The following CFH variants were observed in gnomAD, a reference collection of about 807,000 sequenced individuals.
CFH encodes complement factor H, also known as H factor 1 (complement).
Under a neutral mutation model 147.3 loss-of-function variants are expected in CFH, and 53 were observed. The ratio of observed to expected loss-of-function variants is 0.36; its 90% CI spans 0.29 to 0.45. CFH has a LOEUF of 0.45. Ranked by LOEUF, CFH falls within the 20% of genes least tolerant of loss-of-function variation. The probability of loss-of-function intolerance (pLI) is 1.00; values close to 1 mark genes in which losing one functional copy is unlikely to be tolerated. For missense variants in CFH, 1,380 were observed against 1,498.0 expected (o/e 0.92, Z 1.30); for synonymous variants, 536 against 489.4 (o/e 1.10, Z -1.26).
intron 1 of CFH, among the ~76,000 whole-genome samples, chr1:196,665,912 G>A (rs918524937): frequency 2.0e-5 from 3 of 152,122 alleles, no homozygotes; most frequent in African/African-American, 7.2e-5. Flanking sequence ...CGGCCCCAGT[G>A]GATTTTAATT....
intron 5 of CFH, chr1:196,678,621 G>A (rs2149081391): frequency 6.6e-6 from 1 of 152,038 alleles, no homozygotes; most frequent in South Asian, 2.1e-4. Flanking sequence ...GTACATGGAT[G>A]GAATTTACAT....
intron 11 of CFH, among the ~76,000 whole-genome samples, chr1:196,717,410 C>A (rs1182737719): frequency 6.6e-6 from 1 of 151,890 alleles, no homozygotes; most frequent in Non-Finnish European, 1.5e-5. Context: ...ATTTAATTAC[C>A]TTAATATCAT....
chr1:196,739,863 A>T (rs1396563179), intron 17 of CFH, among the ~76,000 whole-genome samples: 2 of 152,206 alleles, frequency 1.3e-5, no homozygotes. Context: ...GCTATAAAGA[A>T]CTACCCAAGA....
intron 10 of CFH, among the ~76,000 whole-genome samples, chr1:196,715,052 T>C (rs1193736147): frequency 6.6e-6 from 1 of 152,060 alleles, no homozygotes; most frequent in Admixed American, 6.6e-5. Flanking sequence ...CTGTGCTTAA[T>C]ATGAGGTCTA....
chr1:196,740,809 T>G lies in CFH; in HGVS notation c.2956+17T>G. 6.2e-7 allele frequency: 1 copy of G among 1,610,826 alleles called. No homozygotes were observed. The highest frequency in any genetic ancestry group is 8.5e-7 in the Non-Finnish European group (1 of 1,177,068). Reference sequence around the variant, plus strand: ...CATGCATAAGTATGGTGCATTGAATTTTATTATATGTATGATAAATATTCT... The same window carrying G: ...CATGCATAAGTATGGTGCATTGAATGTTATTATATGTATGATAAATATTCT... On this transcript the variant is annotated intron_variant, in intron 18 of 21. Transcript: ENST00000367429.
At chr1:196,681,289 C>T (rs1230143020) in intron 6 of CFH, among the ~76,000 whole-genome samples, 1 of 151,698 alleles carries the variant, frequency 6.6e-6, no homozygotes, top group East Asian at 1.9e-4. Context: ...GAATATGTGA[C>T]TCTGTAGCAT....
chr1:196,742,220 C>CA (rs202063301), intron 19 of CFH, among the ~76,000 whole-genome samples, 169 bp downstream of exon 19: 1 of 151,810 alleles, frequency 6.6e-6, no homozygotes, highest in South Asian at 2.1e-4. Context: ...ACTAAAAATA[C>CA]AAAAAAATAG....
intron 6 of CFH, among the ~76,000 whole-genome samples, chr1:196,681,382 A>C (rs890438505): frequency 1.3e-5 from 2 of 151,562 alleles, no homozygotes; most frequent in East Asian, 3.9e-4. Context: ...TCCTTAGCAC[A>C]TATTTGTTTT....
intron 1 of CFH, among the ~76,000 whole-genome samples, chr1:196,669,774 C>A (rs186845276): frequency 3.9e-5 from 6 of 152,220 alleles, no homozygotes; most frequent in Admixed American, 3.9e-4. Flanking sequence ...ACACAGAGGT[C>A]CCAGTGGGGC....
rs548158971 is a variant in CFH, at chr1:196,717,591, A to G, written c.1696+1822A>G. 5.3e-5 allele frequency among the ~76,000 whole-genome samples: 8 copies of G among 152,254 alleles called. No individual in the cohort carries two copies. In the South Asian group the frequency reaches 1.4e-3, roughly 28 times the overall value. Reference sequence around the variant, plus strand: ...ATAAAAATAATGAGCTAGACATTCAATACAGACTGTAGACATAACTCTTTC... The same window carrying G: ...ATAAAAATAATGAGCTAGACATTCAGTACAGACTGTAGACATAACTCTTTC... On this transcript the variant is annotated intron_variant, in intron 11 of 21. Transcript: ENST00000367429.
intron 15 of CFH, among the ~76,000 whole-genome samples, chr1:196,735,715 A>G (rs191921750): frequency 6.6e-6 from 1 of 152,252 alleles, no homozygotes; most frequent in East Asian, 1.9e-4. Context: ...GTTGACCATT[A>G]ATCTTAAGAA....
At chr1:196,726,425 A>G (rs781097549) in intron 12 of CFH, 45 bp from the exon 13 acceptor site, 2 of 1,440,578 alleles carry the variant, frequency 1.4e-6, no homozygotes, top group South Asian at 1.2e-5. Flanking sequence ...TTTATATTGT[A>G]AAACAGACAA....
chr1:196,701,117 G>C (rs1668436355), intron 9 of CFH, among the ~76,000 whole-genome samples: 1 of 152,056 alleles, frequency 6.6e-6, no homozygotes, highest in South Asian at 2.1e-4. Context: ...TATATGGAAA[G>C]GTCTTTTGTT....
chr1:196,709,382 T>C (rs1668671988), intron 9 of CFH, among the ~76,000 whole-genome samples: 1 of 152,140 alleles, frequency 6.6e-6, no homozygotes, highest in African/African-American at 2.4e-5. Flanking sequence ...GTATAACAGC[T>C]TGCAGGTTGT....
At chr1:196,734,447 A>T (rs767311709) in intron 15 of CFH, among the ~76,000 whole-genome samples, 1 of 152,080 alleles carries the variant, frequency 6.6e-6, no homozygotes, top group Non-Finnish European at 1.5e-5. Context: ...GCTCCTACAC[A>T]AGCAAGAGAG....
Position 196,740,781 on chromosome 1 carries a change from C to T in CFH, c.2945C>T (p.Pro982Leu). 6.2e-7 allele frequency: 1 copy of T among 1,613,898 alleles called. No individual in the cohort carries two copies. Among genetic ancestry groups the T allele is most frequent in the Non-Finnish European group, 8.5e-7 (1 of 1,179,878 alleles). Residue 982 changes from proline (P) to leucine (L), a missense_variant, in exon 18 of 22, where the codon CCA (proline) becomes CTA (leucine). By Grantham distance (98) the Pro-to-Leu change is moderately conservative. Transcript: ENST00000367429. The stretch of plus-strand genomic sequence containing the variant: ...TTAGGAGAAAAATGGTCTCACCCTC[C>T]ATCATGCATAAGTATGGTGCATTGA... ...KCLGEKWSHPPSCIKTDCLSL... is the reference protein window; with the variant it reads ...KCLGEKWSHPLSCIKTDCLSL...
At chr1:196,746,205 G>A (rs34231058) in intron 21 of CFH, among the ~76,000 whole-genome samples, 5,526 of 152,134 alleles carry the variant, frequency 0.036, 171 homozygotes, top group South Asian at 0.1. Flanking sequence ...CAGCACTTTG[G>A]GAGGCTGAGG....
intron 1 of CFH, among the ~76,000 whole-genome samples, chr1:196,670,315 T>C (rs1220757192): frequency 6.6e-6 from 1 of 152,044 alleles, no homozygotes; most frequent in Non-Finnish European, 1.5e-5. Context: ...TGTTTTGAAA[T>C]GTGAGGACAT....
intron 3 of CFH, 102 bp downstream of exon 3, chr1:196,674,064 A>T (rs1381215474): frequency 2.5e-6 from 2 of 810,962 alleles, no homozygotes; most frequent in Admixed American, 2.4e-5. Flanking sequence ...ATGAGCATTT[A>T]AAAAAGTAAT....
Sources: allele counts gnomAD v4.1 joint callset (sites outside exome capture counted in the v4.1 genomes callset), GRCh38; gene constraint gnomAD v4.1.1; transcripts MANE v1.5; gene names NCBI Gene and HGNC (gene_info 2026-07-23, HGNC 2026-07-21).